PTGDR: variants seen among roughly 807,000 people sequenced by gnomAD.
The protein encoded by PTGDR is PGD2 receptor.
Under a neutral mutation model 17.4 loss-of-function variants are expected in PTGDR, and 19 were observed. That is an observed-to-expected ratio of 1.09 (90% CI 0.76 to 1.60). The LOEUF is 1.60. PTGDR is among the 40% of genes most tolerant of loss of function. PTGDR has a pLI of 0.00. For synonymous variants in PTGDR, 267 were observed against 224.2 expected (o/e 1.19, Z -1.71); for missense variants, 526 against 481.9 (o/e 1.09, Z -0.86).
rs202170487 is a variant in PTGDR, at chr14:52,267,799, T to C, written c.-16T>C. 8.7e-4 allele frequency: 1,346 copies of C among 1,542,028 alleles called. No homozygotes were observed. Among genetic ancestry groups the C allele is most frequent in the Non-Finnish European group, 1.1e-3 (1,232 of 1,144,064 alleles). On this transcript the variant is annotated 5_prime_UTR_variant, in exon 1 of 2. Coordinates refer to ENST00000306051, the MANE Select transcript of PTGDR (RefSeq NM_000953.3). ...CCTTCCGCAGCCTTCACTCCAGCCCTCTGCTCCCGCACGCCATGAAGTCGC... is the reference window on the plus strand; with the variant it reads ...CCTTCCGCAGCCTTCACTCCAGCCCCCTGCTCCCGCACGCCATGAAGTCGC...
chr14:52,269,116 C>A (rs1330636446), intron 1 of PTGDR, among the ~76,000 whole-genome samples: 2 of 152,180 alleles, frequency 1.3e-5, no homozygotes, highest in Non-Finnish European at 2.9e-5. Context: ...CGAATGGCGT[C>A]TGGGACGATC....
intron 1 of PTGDR, among the ~76,000 whole-genome samples, chr14:52,272,311 A>G (rs2033336376): frequency 6.6e-6 from 1 of 152,020 alleles, no homozygotes; most frequent in Non-Finnish European, 1.5e-5. Flanking sequence ...CTACAAAAAA[A>G]ATAAAAATAA....
intron 1 of PTGDR, chr14:52,269,415 T>G (rs781530524): frequency 6.9e-7 from 1 of 1,444,810 alleles, no homozygotes; most frequent in African/African-American, 1.4e-5. Flanking sequence ...GTAATGAGGA[T>G]AGCGATGGAA....
At position 52,274,824 on chromosome 14, in the gene PTGDR, G is replaced by C; in HGVS notation, c.940G>C (p.Val314Leu). The C allele has an allele frequency of 1.2e-6, 2 of 1,612,748 alleles. No individual in the cohort carries two copies. Among genetic ancestry groups the C allele is most frequent in the Non-Finnish European group, 1.7e-6 (2 of 1,178,740 alleles). The change falls in exon 2 of 2, where the codon GTG (valine) becomes CTG (leucine). Residue 314 changes from valine to leucine, a missense_variant. Coordinates refer to ENST00000306051, the MANE Select transcript of PTGDR (RefSeq NM_000953.3). ...EDLRALRFLS[V>L]ISIVDPWIFI... Reference sequence around the variant, plus strand: ...CCTCCGAGCCTTGCGATTTCTATCTGTGATTTCAATTGTGGACCCTTGGAT... The same window carrying C: ...CCTCCGAGCCTTGCGATTTCTATCTCTGATTTCAATTGTGGACCCTTGGAT...
In PTGDR at chr14:52,268,122, C is replaced by G; in HGVS notation, c.308C>G (p.Ser103Trp). The G allele has an allele frequency of 5.0e-6, 8 of 1,614,136 alleles. No individual in the cohort carries two copies. Among genetic ancestry groups the G allele is most frequent in the Non-Finnish European group, 6.8e-6 (8 of 1,180,050 alleles). Residue 103 changes from serine to tryptophan, a missense_variant, in exon 1 of 2, where the codon TCG becomes TGG. By Grantham distance (177) the Ser-to-Trp change is radical (BLOSUM62 -3). Coordinates refer to ENST00000306051, the MANE Select transcript of PTGDR (RefSeq NM_000953.3). ...LRVLAPALDN[S>W]LCQAFAFFMS... ...GTGCTTGCGCCCGCATTGGACAACTCGTTGTGCCAAGCCTTCGCCTTCTTC... is the reference window on the plus strand; with the variant it reads ...GTGCTTGCGCCCGCATTGGACAACTGGTTGTGCCAAGCCTTCGCCTTCTTC...
rs769846487 is a variant in PTGDR, at chr14:52,267,789, A to T, written c.-26A>T. ...GGGCCCTCGCCCTTCCGCAGCCTTCACTCCAGCCCTCTGCTCCCGCACGCC... is the reference window on the plus strand; with the variant it reads ...GGGCCCTCGCCCTTCCGCAGCCTTCTCTCCAGCCCTCTGCTCCCGCACGCC... On this transcript the variant is annotated 5_prime_UTR_variant, in exon 1 of 2. Transcript: ENST00000306051. 6 of 1,513,430 alleles carry T rather than the reference A, an allele frequency of 4.0e-6. No individual in the cohort carries two copies. The highest frequency in any genetic ancestry group is 1.4e-5 in the African/African-American group (1 of 71,722). 93.8% of individuals were successfully genotyped at this position (1,513,430 alleles called of 1,614,324 possible).
chr14:52,274,039 T>C (rs1009642788), intron 1 of PTGDR, among the ~76,000 whole-genome samples: 8 of 151,954 alleles, frequency 5.3e-5, no homozygotes, highest in African/African-American at 1.7e-4. Flanking sequence ...GGCAGCCTTA[T>C]ATTTTTGTGC....
intron 1 of PTGDR, among the ~76,000 whole-genome samples, chr14:52,270,886 C>G (rs2033311881): frequency 1.3e-5 from 2 of 152,190 alleles, no homozygotes; most frequent in Admixed American, 1.3e-4. Context: ...ACTTGGATAA[C>G]TCCTAGGGTA....
intron 1 of PTGDR, among the ~76,000 whole-genome samples, chr14:52,274,169 A>G (rs932702016): frequency 1.3e-5 from 2 of 150,562 alleles, no homozygotes; most frequent in African/African-American, 4.9e-5. Flanking sequence ...TTTTTTTCCA[A>G]GTCATCTCAG....
At chr14:52,270,178 G>A (rs2033297365) in intron 1 of PTGDR, among the ~76,000 whole-genome samples, 1 of 152,112 alleles carries the variant, frequency 6.6e-6, no homozygotes, top group South Asian at 2.1e-4. Flanking sequence ...CTTCAATTGA[G>A]CCAAATACTA....
rs533669983 is a variant in PTGDR, at chr14:52,268,783, G to C, written c.846+123G>C. 9.1e-5 allele frequency: 100 copies of C among 1,103,760 alleles called. No individual in the cohort carries two copies. In the South Asian group the frequency reaches 1.5e-3, roughly 17 times the overall value. 68.4% of individuals were successfully genotyped at this position (1,103,760 alleles called of 1,614,324 possible). A position where few individuals can be genotyped will look rare whatever the true frequency, so the allele number is the denominator to read the frequency against. On this transcript the variant is annotated intron_variant, in intron 1 of 1. Transcript: ENST00000306051. The stretch of plus-strand genomic sequence containing the variant: ...GGCGAGCTGCGCCCTGGGCCAGGAA[G>C]GTTTGCTGCTGAGTTCCCCAAATTG...
At chr14:52,273,828 T>C (rs539873964) in intron 1 of PTGDR, among the ~76,000 whole-genome samples, 26 of 152,302 alleles carry the variant, frequency 1.7e-4, no homozygotes, top group African/African-American at 6.3e-4. Flanking sequence ...TTTAGAATTG[T>C]AGGCATAGAG....
intron 1 of PTGDR, among the ~76,000 whole-genome samples, chr14:52,273,232 C>G (rs532624842): frequency 1.0e-3 from 152 of 152,104 alleles, no homozygotes; most frequent in Non-Finnish European, 6.8e-4. Context: ...AGGCTGGTCT[C>G]GAACTCCTGA....
chr14:52,279,218 T>G (rs2033462982), downstream of PTGDR, among the ~76,000 whole-genome samples: 1 of 152,194 alleles, frequency 6.6e-6, no homozygotes, highest in African/African-American at 2.4e-5. Flanking sequence ...TTCCTCTGTA[T>G]CTGATGAAGA....
downstream of PTGDR, among the ~76,000 whole-genome samples, chr14:52,279,871 T>G (rs2033469008): frequency 6.6e-6 from 1 of 151,896 alleles, no homozygotes; most frequent in Non-Finnish European, 1.5e-5. Context: ...TATAAGCTTT[T>G]TTTTTTTCCT....
At position 52,268,570 on chromosome 14, in the gene PTGDR, A is replaced by G. The variant is rs768789193; in HGVS notation, c.756A>G (p.Glu252=). 2 of 1,612,640 alleles carry G rather than the reference A, an allele frequency of 1.2e-6. No individual in the cohort carries two copies. The highest frequency in any genetic ancestry group is 2.7e-5 in the African/African-American group (2 of 75,030). The stretch of plus-strand genomic sequence containing the variant: ...CCGAGCCGCGCGCGGACGGGAGGGA[A>G]GCGTCCCCTCAGCCCCTGGAGGAGC... ...DCAEPRADGR[E]ASPQPLEELD... The change falls in exon 1 of 2, where the codon GAA becomes GAG. Residue 252 remains glutamate (E), a synonymous_variant. Coordinates refer to ENST00000306051, the MANE Select transcript of PTGDR (RefSeq NM_000953.3).
rs41312446 is a variant in PTGDR, at chr14:52,268,827, G to A, written c.846+167G>A. Among the ~76,000 whole-genome samples the A allele has an allele frequency of 2.6e-3, 399 of 152,264 alleles. 1 individual carries two copies. Among genetic ancestry groups the A allele is most frequent in the African/African-American group, 9.2e-3 (383 of 41,560 alleles). On this transcript the variant is annotated intron_variant, in intron 1 of 1. Transcript: ENST00000306051. The stretch of plus-strand genomic sequence containing the variant: ...CAAATTGGATTCCTTCCACAGCCCC[G>A]AGATATAACTCAGTTTGCGGAGCGA...
In PTGDR at chr14:52,275,066, A is replaced by C; in HGVS notation, c.*102A>C. 1.1e-6 allele frequency: 1 copy of C among 926,048 alleles called. No individual in the cohort carries two copies. The highest frequency in any genetic ancestry group is 1.6e-6 in the Non-Finnish European group (1 of 624,952). The allele number at this position is 926,048 out of a possible 1,614,324, so 57.4% of individuals were successfully genotyped here. A position where few individuals can be genotyped will look rare whatever the true frequency, so the allele number is the denominator to read the frequency against. On this transcript the variant is annotated 3_prime_UTR_variant, in exon 2 of 2. Transcript: ENST00000306051. ...ACAACTTACAATTTAAATCCTTAAAAGTTACCTCCCATAACAAAAGCATGT... is the reference window on the plus strand; with the variant it reads ...ACAACTTACAATTTAAATCCTTAAACGTTACCTCCCATAACAAAAGCATGT...
At chr14:52,269,399 A>T in intron 1 of PTGDR, 1 of 1,395,548 alleles carries the variant, frequency 7.2e-7, no homozygotes, top group Admixed American at 2.0e-5. Flanking sequence ...CTCCGGTTTC[A>T]ATTTGGTAAT....
Sources: gnomAD v4.1 joint callset for allele counts (sites outside exome capture counted in the v4.1 genomes callset) on GRCh38, gnomAD v4.1.1 for gene constraint, MANE v1.5 for transcripts, NCBI Gene and HGNC (gene_info 2026-07-23, HGNC 2026-07-21) for gene names.